MYO15A: variants seen among roughly 807,000 people sequenced by gnomAD.
MYO15A encodes the protein unconventional myosin-XV.
In MYO15A, 308 loss-of-function variants were observed where a neutral mutation model predicts 394.6. That is an observed-to-expected ratio of 0.78 (90% CI 0.71 to 0.86). The LOEUF is 0.86. Among genes scored for constraint, MYO15A ranks in the 40% least tolerant of loss-of-function variants. The pLI, the probability that MYO15A is intolerant of heterozygous loss-of-function variation, is 0.00. For synonymous variants in MYO15A, 1,957 were observed against 2,003.8 expected (o/e 0.98, Z 0.62); for missense variants, 4,606 against 4,799.1 (o/e 0.96, Z 1.19).
At chr17:18,126,483 G>C in intron 5 of MYO15A, 27 bp downstream of exon 5, 1 of 1,597,830 alleles carries the variant, frequency 6.3e-7, no homozygotes, top group Non-Finnish European at 8.6e-7. Context: ...CGCTGCCCTG[G>C]GGTCTCTTGG....
At chr17:18,172,605 A>C (rs1389804588) in intron 64 of MYO15A, 1 of 414,788 alleles carries the variant, frequency 2.4e-6, no homozygotes, top group Non-Finnish European at 4.6e-6. Flanking sequence ...AAACAACAGA[A>C]GTTTATTTCT....
rs960004024 is a variant in MYO15A at position 18,157,850 on chromosome 17, G to A, written c.8917G>A (p.Ala2973Thr). Residue 2973 changes from alanine to threonine, a missense_variant, in exon 51 of 66, where the codon GCT (alanine) becomes ACT (threonine). Physicochemically the swap from Ala to Thr is moderately conservative, Grantham distance 58. This residue lies in a region of MYO15A where 2,776 missense variants were observed against 3,109.3 expected (regional missense o/e 0.89). Transcript: ENST00000647165. ...CCGCGGCCGAGCAGCCGCCGTGGCC[G>A]CTGCTGTGGCCTCTGCAGCCGCTGC... ...PGRGRAAAVA[A>T]AVASAAAAQE... The A allele has an allele frequency of 5.0e-6, 8 of 1,587,368 alleles. No homozygotes were observed. Among genetic ancestry groups the A allele is most frequent in the Non-Finnish European group, 6.0e-6 (7 of 1,173,084 alleles).
At chr17:18,156,427 A>G (rs1418707426) in intron 48 of MYO15A, 91 bp downstream of exon 48, 2 of 1,449,292 alleles carry the variant, frequency 1.4e-6, no homozygotes, top group Non-Finnish European at 1.9e-6. Flanking sequence ...CTGTGTCCAT[A>G]GATTTCTGTC....
chr17:18,119,283 GC>G lies in MYO15A; in HGVS notation c.484del (p.Arg162AlafsTer282), dbSNP rs1567618809. 1 of 1,611,910 alleles carries G rather than the reference GC, an allele frequency of 6.2e-7. No homozygotes were observed. The highest frequency in any genetic ancestry group is 1.7e-5 in the Admixed American group (1 of 60,022). ...EQATVDAWLQ[R>X]SSSRMGSRKL... Reference sequence around the variant, plus strand: ...AGGCCACAGTGGACGCCTGGCTGCAGCGCTCGAGCTCCCGCATGGGCTCCCG... The same window carrying G: ...AGGCCACAGTGGACGCCTGGCTGCAGGCTCGAGCTCCCGCATGGGCTCCCG... On this transcript the variant is annotated frameshift_variant, in exon 2 of 66. Coordinates refer to ENST00000647165, the MANE Select transcript of MYO15A (RefSeq NM_016239.4). LOFTEE classifies it high-confidence loss of function.
At position 18,122,240 on chromosome 17, in the gene MYO15A, C is replaced by G; in HGVS notation, c.3440C>G (p.Pro1147Arg). 2 of 1,613,202 alleles carry G rather than the reference C, an allele frequency of 1.2e-6. No homozygotes were observed. The highest frequency in any genetic ancestry group is 2.2e-5 in the South Asian group (2 of 91,080). ...GTCCAGCCCATTCAGGACCCCAAGCCAAGAGCCTGTAGTCTTCGCTGGTCC... is the reference window on the plus strand; with the variant it reads ...GTCCAGCCCATTCAGGACCCCAAGCGAAGAGCCTGTAGTCTTCGCTGGTCC... Reference protein sequence around the residue: ...PQVQPIQDPKPRACSLRWSCL... With the variant: ...PQVQPIQDPKRRACSLRWSCL... Residue 1147 changes from proline (P) to arginine (R), a missense_variant, in exon 2 of 66, where the codon CCA (proline) becomes CGA (arginine). Physicochemically the swap from Pro to Arg is moderately radical, Grantham distance 103 (BLOSUM62 -2). Around this residue, in one of 2 missense-constraint regions of MYO15A, gnomAD observed 1,830 missense variants for 1,689.7 expected, o/e 1.08. Transcript: ENST00000647165.
chr17:18,135,786 C>T lies in MYO15A; in HGVS notation c.4558C>T (p.Pro1520Ser). The T allele has an allele frequency of 6.2e-7, 1 of 1,614,092 alleles. No homozygotes were observed. The highest frequency in any genetic ancestry group is 8.5e-7 in the Non-Finnish European group (1 of 1,180,010). Residue 1520 changes from proline (P) to serine (S), a missense_variant, in exon 13 of 66, where the codon CCT becomes TCT. Around this residue, in one of 2 missense-constraint regions of MYO15A, gnomAD observed 2,776 missense variants for 3,109.3 expected, o/e 0.89. Transcript: ENST00000647165. ...CGTGGCAGAGCTGCTGCAGATCTCC[C>T]CTGAGGGCCTGCAGAAGGCCATCAC... ...QAVAELLQIS[P>S]EGLQKAITFK...
chr17:18,131,129 GGGA>G, intron 8 of MYO15A, 107 bp from the exon 9 acceptor site: 1 of 994,070 alleles, frequency 1.0e-6, no homozygotes, highest in South Asian at 1.5e-5. Flanking sequence ...CTCTCATAAA[GGGA>G]GGTCCTTGGG....
In MYO15A at chr17:18,148,622, G is replaced by A. The variant is rs985719002; in HGVS notation, c.6764+54G>A. The A allele has an allele frequency of 7.5e-5, 116 of 1,549,294 alleles. No individual in the cohort carries two copies. Among genetic ancestry groups the A allele is most frequent in the Non-Finnish European group, 9.5e-5 (109 of 1,145,632 alleles). ...ACTCTTATGTACCTGGAATGTTGTG[G>A]GGGGAGGTCAGATCCCCCAGAGGGT... is the stretch of plus-strand genomic sequence containing the variant. On this transcript the variant is annotated intron_variant, in intron 32 of 65. Transcript: ENST00000647165. The surrounding 1 kb of genome is among the most constrained non-coding windows in gnomAD (Gnocchi z 4.8).
At chr17:18,170,359 ATTTTATT>A (rs1405761526) in intron 62 of MYO15A, among the ~76,000 whole-genome samples, 2 of 97,428 alleles carry the variant, frequency 2.1e-5, no homozygotes, top group African/African-American at 8.6e-5. Context: ...ATTTTATTTT[ATTTTATT>A]TATTTATTTT....
At chr17:18,166,172 T>C (rs747528550) in intron 60 of MYO15A, among the ~76,000 whole-genome samples, 189 bp from the exon 61 acceptor site, 2 of 152,238 alleles carry the variant, frequency 1.3e-5, no homozygotes, top group African/African-American at 4.8e-5. Flanking sequence ...CAGTAAAACA[T>C]AGGACACCCC....
chr17:18,141,793 C>A lies in MYO15A; in HGVS notation c.5649+23C>A, dbSNP rs754724149. 1.2e-5 allele frequency: 19 copies of A among 1,609,060 alleles called. No individual in the cohort carries two copies. The African/African-American group carries it at 1.9e-4, about 16-fold the overall frequency. On this transcript the variant is annotated intron_variant, in intron 23 of 65. Transcript: ENST00000647165. ...AAGGTGAGTCCTGCCCGACAGTCAG[C>A]CCTTGGAGACCCCAAGTTTGGGGGG...
chr17:18,163,309 C>A lies in MYO15A; in HGVS notation c.9678C>A (p.Ile3226=). Residue 3226 remains isoleucine, a synonymous_variant, in exon 59 of 66, where the codon ATC becomes ATA. Coordinates refer to ENST00000647165, the MANE Select transcript of MYO15A (RefSeq NM_016239.4). ...GAGGCCTTGAACGCCATCTCAAAAT[C>A]AAAACATGCACTGTAAGTGAAGAAA... ...LPGGLERHLK[I]KTCTVALDVV... is the part of the protein sequence containing the mutation. 1 of 1,614,136 alleles carries A rather than the reference C, an allele frequency of 6.2e-7. No individual in the cohort carries two copies. Among genetic ancestry groups the A allele is most frequent in the South Asian group, 1.1e-5 (1 of 91,068 alleles).
intron 48 of MYO15A, 86 bp downstream of exon 48, chr17:18,156,422 TC>T: frequency 6.8e-7 from 1 of 1,459,990 alleles, no homozygotes; most frequent in Non-Finnish European, 9.4e-7. Context: ...TATGACTGTG[TC>T]CATAGATTTC....
Position 18,157,833 on chromosome 17 carries a change from G to C in MYO15A, c.8900G>C (p.Arg2967Pro), listed in dbSNP as rs778595123. ...CTGCCAACGGAGCCAGGCCGCGGCC[G>C]AGCAGCCGCCGTGGCCGCTGCTGTG... ...LQLPTEPGRG[R>P]AAAVAAAVAS... Residue 2967 changes from arginine to proline, a missense_variant, in exon 51 of 66, where the codon CGA (arginine) becomes CCA (proline). By Grantham distance (103) the Arg-to-Pro change is moderately radical. Around this residue, in one of 2 missense-constraint regions of MYO15A, gnomAD observed 2,776 missense variants for 3,109.3 expected, o/e 0.89. Transcript: ENST00000647165. The C allele has an allele frequency of 6.3e-7, 1 of 1,594,434 alleles. No homozygotes were observed. The highest frequency in any genetic ancestry group is 1.1e-5 in the South Asian group (1 of 90,550).
chr17:18,116,163 G>C (rs1405307096), intron 1 of MYO15A, among the ~76,000 whole-genome samples: 4 of 152,240 alleles, frequency 2.6e-5, no homozygotes, highest in Non-Finnish European at 5.9e-5. Context: ...GAGGAATCCA[G>C]GTTGGGGTAG....
At chr17:18,134,051 G>A (rs975654790) in intron 12 of MYO15A, among the ~76,000 whole-genome samples, 20 of 151,806 alleles carry the variant, frequency 1.3e-4, no homozygotes, top group Non-Finnish European at 2.9e-5. Context: ...GTGCAGTGGC[G>A]CAATCTCGGC....
At position 18,133,366 on chromosome 17, in the gene MYO15A, G is replaced by A. The variant is rs748323602; in HGVS notation, c.4462G>A (p.Val1488Ile). The stretch of plus-strand genomic sequence containing the variant: ...GGCCTCCATCCTGCACCTGGGCAAC[G>A]TCTACTTTGAGAAGTATGAGGTGAG... ...ILASILHLGN[V>I]YFEKYETDAQ... The change falls in exon 12 of 66, where the codon GTC becomes ATC. Residue 1488 changes from valine (V) to isoleucine (I), a missense_variant. Val to Ile is a conservative substitution (Grantham distance 29). Coordinates refer to ENST00000647165, the MANE Select transcript of MYO15A (RefSeq NM_016239.4). 3.2e-5 allele frequency: 52 copies of A among 1,614,064 alleles called. No homozygotes were observed. Among genetic ancestry groups the A allele is most frequent in the South Asian group, 1.3e-4 (12 of 91,080 alleles).
At chr17:18,130,731 G>A (rs1248813042) in intron 7 of MYO15A, 74 bp from the exon 8 acceptor site, 6 of 1,610,774 alleles carry the variant, frequency 3.7e-6, no homozygotes, top group Non-Finnish European at 4.2e-6. Flanking sequence ...TGGAGAGAGT[G>A]GTGGTCGGTC....
chr17:18,126,240 G>T lies in MYO15A; in HGVS notation c.3757-107G>T, dbSNP rs187802455. Reference sequence around the variant, plus strand: ...TGGGAATCCCGAGTCCAGGCAGCCAGATATCTGTCCGGATGGAAACAGGGA... The same window carrying T: ...TGGGAATCCCGAGTCCAGGCAGCCATATATCTGTCCGGATGGAAACAGGGA... On this transcript the variant is annotated intron_variant, in intron 4 of 65. Transcript: ENST00000647165. 3.7e-4 allele frequency: 352 copies of T among 943,668 alleles called. 1 individual carries two copies. The African/African-American group carries it at 5.2e-3, about 14-fold the overall frequency. 58.5% of individuals were successfully genotyped at this position (943,668 alleles called of 1,614,324 possible).
Sources: gnomAD v4.1 joint callset for allele counts (sites outside exome capture counted in the v4.1 genomes callset) on GRCh38, gnomAD v4.1.1 for gene constraint, gnomAD v4.1.1 regional missense constraint, Gnocchi (gnomAD v3.1) non-coding constraint, MANE v1.5 for transcripts, NCBI Gene and HGNC (gene_info 2026-07-23, HGNC 2026-07-21) for gene names.